WWC2: variants seen among roughly 807,000 people sequenced by gnomAD.
WWC2 encodes protein WWC2.
A neutral mutation model predicts 138.5 loss-of-function variants in WWC2; 101 were observed. The ratio of observed to expected loss-of-function variants is 0.73; its 90% CI spans 0.62 to 0.86. The LOEUF (loss-of-function observed/expected upper bound fraction) is 0.86, where lower values mean the gene tolerates loss of function less well. Ranked by LOEUF, WWC2 falls within the 40% of genes least tolerant of loss-of-function variation. WWC2 has a pLI of 0.00. For missense variants in WWC2, 1,420 were observed against 1,419.4 expected (o/e 1.00, Z -0.01); for synonymous variants, 558 against 538.4 (o/e 1.04, Z -0.50).
chr4:183,289,437 A>G lies in WWC2; in HGVS notation c.3186A>G (p.Pro1062=), dbSNP rs147377504. The change falls in exon 21 of 23, where the codon CCA becomes CCG. Residue 1062 remains proline (P), a synonymous_variant. Coordinates refer to ENST00000403733, the MANE Select transcript of WWC2 (RefSeq NM_024949.6). The stretch of plus-strand genomic sequence containing the variant: ...TTAGAAGAACAACACAGGAATGCCC[A>G]GTGCGGACATCTCTAGACTTAGAAC... The part of the protein sequence containing the change: ...SVLRRTTQEC[P]VRTSLDLELD... The G allele has an allele frequency of 4.5e-5, 73 of 1,612,500 alleles. No homozygotes were observed. The highest frequency in any genetic ancestry group is 3.3e-4 in the Middle Eastern group (2 of 6,084).
chr4:183,258,057 T>A lies in WWC2; in HGVS notation c.1197-1582T>A, dbSNP rs758515405. On this transcript the variant is annotated intron_variant, in intron 9 of 22. Coordinates refer to ENST00000403733, the MANE Select transcript of WWC2 (RefSeq NM_024949.6). ...ACTGAAAGTGTGGCTCAGGGTCACATTCTGACGTCATCCTGGTGCCTCCTG... is the reference window on the plus strand; with the variant it reads ...ACTGAAAGTGTGGCTCAGGGTCACAATCTGACGTCATCCTGGTGCCTCCTG... 2.3e-3 allele frequency among the ~76,000 whole-genome samples: 354 copies of A among 152,302 alleles called. 5 individuals carry two copies. Among genetic ancestry groups the A allele is most frequent in the Non-Finnish European group, 4.1e-3 (280 of 68,020 alleles).
intron 16 of WWC2, among the ~76,000 whole-genome samples, chr4:183,272,550 T>A (rs570405082): frequency 1.3e-5 from 2 of 152,278 alleles, no homozygotes; most frequent in East Asian, 3.9e-4. Context: ...ATTAGAACAT[T>A]GTCATCGTCG....
chr4:183,255,575 CCACGTCCATCT>C (rs1352154743), intron 9 of WWC2, among the ~76,000 whole-genome samples: 1 of 152,152 alleles, frequency 6.6e-6, no homozygotes, highest in Non-Finnish European at 1.5e-5. Flanking sequence ...GTCTAATGTG[CCACGTCCATCT>C]CAGCTGTTCT....
chr4:183,133,134 T>A (rs1732988945), intron 1 of WWC2, among the ~76,000 whole-genome samples: 1 of 138,398 alleles, frequency 7.2e-6, no homozygotes, highest in Non-Finnish European at 1.5e-5. Flanking sequence ...TTTTTTCTTT[T>A]CTTTCTTTCT....
chr4:183,189,505 C>G (rs894608490), intron 1 of WWC2, among the ~76,000 whole-genome samples: 1 of 151,782 alleles, frequency 6.6e-6, no homozygotes, highest in African/African-American at 2.4e-5. Flanking sequence ...TCTTTTAGGA[C>G]TGTGGAAAGA....
Position 183,267,484 on chromosome 4 carries a change from A to G in WWC2, c.2208-1487A>G, listed in dbSNP as rs78443996. On this transcript the variant is annotated intron_variant, in intron 14 of 22. Coordinates refer to ENST00000403733, the MANE Select transcript of WWC2 (RefSeq NM_024949.6). The stretch of plus-strand genomic sequence containing the variant: ...TAGTAAAGCAAATCATGGAGAAGAC[A>G]AGTCTACCAGAGACTGAAACAATAA... Among the ~76,000 whole-genome samples the G allele has an allele frequency of 1.4e-4, 22 of 152,350 alleles. No individual in the cohort carries two copies. In the East Asian group the frequency reaches 4.1e-3, roughly 28 times the overall value.
intron 1 of WWC2, among the ~76,000 whole-genome samples, chr4:183,120,607 T>C (rs1004575554): frequency 2.0e-5 from 3 of 152,230 alleles, no homozygotes; most frequent in South Asian, 2.1e-4. Flanking sequence ...TGTTCAAATA[T>C]TCAAATTTGT....
intron 21 of WWC2, among the ~76,000 whole-genome samples, chr4:183,290,133 A>G (rs779611414): frequency 6.6e-6 from 1 of 152,202 alleles, no homozygotes; most frequent in African/African-American, 2.4e-5. Flanking sequence ...TATCTTAAAG[A>G]AAAATTACAT....
intron 6 of WWC2, among the ~76,000 whole-genome samples, chr4:183,248,333 G>A (rs1264648248): frequency 6.6e-6 from 1 of 152,228 alleles, no homozygotes; most frequent in African/African-American, 2.4e-5. Flanking sequence ...TAAAATGAGA[G>A]ATTATGTTAT....
intron 21 of WWC2, among the ~76,000 whole-genome samples, chr4:183,308,078 A>G (rs73872356): frequency 0.052 from 7,886 of 152,260 alleles, 667 homozygotes; most frequent in African/African-American, 0.18. Context: ...TTTTCTATAT[A>G]CCAGCAATGC....
chr4:183,282,926 G>A lies in WWC2; in HGVS notation c.2883+20G>A. On this transcript the variant is annotated intron_variant, in intron 18 of 22. Coordinates refer to ENST00000403733, the MANE Select transcript of WWC2 (RefSeq NM_024949.6). Reference sequence around the variant, plus strand: ...ACACTGGTGACTATTCCGCTGTGCTGTCTTAAAACTGATACCTTACAGGCA... The same window carrying A: ...ACACTGGTGACTATTCCGCTGTGCTATCTTAAAACTGATACCTTACAGGCA... 3 of 1,550,450 alleles carry A rather than the reference G, an allele frequency of 1.9e-6. No individual in the cohort carries two copies. Among genetic ancestry groups the A allele is most frequent in the East Asian group, 2.4e-5 (1 of 41,794 alleles).
At chr4:183,310,450 A>G (rs1188239783) in intron 21 of WWC2, among the ~76,000 whole-genome samples, 2 of 152,194 alleles carry the variant, frequency 1.3e-5, no homozygotes, top group Non-Finnish European at 2.9e-5. Flanking sequence ...AATAATTATT[A>G]AACAATTTCT....
At chr4:183,310,585 T>TAAACTCCCAGGATC (rs1739178630) in intron 21 of WWC2, among the ~76,000 whole-genome samples, 1 of 151,910 alleles carries the variant, frequency 6.6e-6, no homozygotes, top group African/African-American at 2.4e-5. Flanking sequence ...ACTGCAGCCT[T>TAAACTCCCAGGATC]AAACTCCCAG....
intron 1 of WWC2, among the ~76,000 whole-genome samples, chr4:183,153,068 A>C (rs563131027): frequency 6.6e-6 from 1 of 152,076 alleles, no homozygotes; most frequent in East Asian, 1.9e-4. Context: ...GCTAATTAAA[A>C]AAATATATAT....
intron 20 of WWC2, 67 bp downstream of exon 20, chr4:183,286,126 A>C: frequency 7.2e-7 from 1 of 1,394,234 alleles, no homozygotes; most frequent in South Asian, 1.2e-5. Context: ...TGTGCAGCAC[A>C]AACTCCAGAA....
intron 1 of WWC2, among the ~76,000 whole-genome samples, chr4:183,117,937 A>G (rs1732469799): frequency 6.6e-6 from 1 of 151,994 alleles, no homozygotes; most frequent in Admixed American, 6.6e-5. Context: ...AGTAGCTGGG[A>G]CTATAGGCTC....
intron 1 of WWC2, among the ~76,000 whole-genome samples, chr4:183,168,315 C>A (rs145548985): frequency 1.1e-4 from 17 of 151,270 alleles, no homozygotes; most frequent in African/African-American, 3.2e-4. Flanking sequence ...AGATATTTTT[C>A]TAAATTAGTG....
intron 21 of WWC2, among the ~76,000 whole-genome samples, chr4:183,305,122 T>C (rs114791161): frequency 7.3e-4 from 111 of 152,176 alleles, no homozygotes; most frequent in African/African-American, 2.4e-3. Flanking sequence ...AAAAATAACT[T>C]TGATGGACTC....
intron 2 of WWC2, among the ~76,000 whole-genome samples, chr4:183,201,639 A>C (rs1393032093): frequency 6.6e-6 from 1 of 152,220 alleles, no homozygotes; most frequent in Non-Finnish European, 1.5e-5. Context: ...AACAAATAAC[A>C]AATAAATATA....
Sources: gnomAD v4.1 joint callset for allele counts (sites outside exome capture counted in the v4.1 genomes callset) on GRCh38, gnomAD v4.1.1 for gene constraint, MANE v1.5 for transcripts, NCBI Gene and HGNC (gene_info 2026-07-23, HGNC 2026-07-21) for gene names.